FXYD6: variants seen among roughly 807,000 people sequenced by gnomAD.
FXYD6 encodes the protein FXYD domain-containing ion transport regulator 6.
A neutral mutation model predicts 16.7 loss-of-function variants in FXYD6; 7 were observed. The ratio of observed to expected loss-of-function variants is 0.42; its 90% CI spans 0.24 to 0.79. The LOEUF is 0.79. Among genes scored for constraint, FXYD6 ranks in the 30% least tolerant of loss-of-function variants. The pLI is 0.28. For missense variants in FXYD6, 111 were observed against 116.2 expected (o/e 0.95, Z 0.21); for synonymous variants, 49 against 43.0 (o/e 1.14, Z -0.54).
intron 1 of FXYD6, among the ~76,000 whole-genome samples, chr11:117,843,437 TG>T (rs1360660185): frequency 6.6e-6 from 1 of 152,188 alleles, no homozygotes; most frequent in Non-Finnish European, 1.5e-5. Context: ...GACGTGACTT[TG>T]AAGATCTCAA....
chr11:117,872,464 G>A lies in FXYD6; in HGVS notation c.-6+4128C>T, dbSNP rs1341633438. On this transcript the variant is annotated intron_variant, in intron 1 of 7. Coordinates refer to ENST00000526014, the MANE Select transcript of FXYD6 (RefSeq NM_022003.4). The surrounding 1 kb of genome is among the most constrained non-coding windows in gnomAD (Gnocchi z 4.9). The stretch of plus-strand genomic sequence containing the variant: ...AAAGGAGAAACCTCAGAAGCCCACA[G>A]GGCCTGCCTGACATATGAGGGGAAC... Among the ~76,000 whole-genome samples, 1 of 152,180 alleles carries A rather than the reference G, an allele frequency of 6.6e-6. No homozygotes were observed. The highest frequency in any genetic ancestry group is 6.5e-5 in the Admixed American group (1 of 15,286).
intron 4 of FXYD6, 84 bp downstream of exon 4, chr11:117,841,707 A>T: frequency 6.6e-7 from 1 of 1,526,382 alleles, no homozygotes. Context: ...CAGGAGAGGG[A>T]CCAACCAGGC....
intron 1 of FXYD6, among the ~76,000 whole-genome samples, chr11:117,873,910 G>C (rs894660005): frequency 1.3e-5 from 2 of 152,144 alleles, no homozygotes; most frequent in African/African-American, 4.8e-5. Context: ...CCCTCACTTT[G>C]GAAGGGCGTC....
At chr11:117,856,046 G>A (rs1180176889) in intron 1 of FXYD6, among the ~76,000 whole-genome samples, 1 of 152,112 alleles carries the variant, frequency 6.6e-6, no homozygotes, top group African/African-American at 2.4e-5. Context: ...AAGCAGCTGA[G>A]GTTCTGGGTG....
chr11:117,857,567 C>T (rs1233408111), intron 1 of FXYD6, among the ~76,000 whole-genome samples: 1 of 152,030 alleles, frequency 6.6e-6, no homozygotes, highest in African/African-American at 2.4e-5. Flanking sequence ...CGCCACCATG[C>T]CCAGCTAATT....
In FXYD6 at chr11:117,839,788, C is replaced by T. The variant is rs775330439; in HGVS notation, c.*14G>A. On this transcript the variant is annotated 3_prime_UTR_variant, in exon 7 of 8. Transcript: ENST00000526014. ...AGGCACTGAGCATCTCACCTTCCAC[C>T]TGATGGCTGCACTTCAGTTCTCTGC... 3 of 1,614,252 alleles carry T rather than the reference C, an allele frequency of 1.9e-6. No homozygotes were observed. The South Asian group carries it at 3.3e-5, about 18-fold the overall frequency.
At chr11:117,847,062 T>C (rs2134149123) in intron 1 of FXYD6, among the ~76,000 whole-genome samples, 1 of 152,362 alleles carries the variant, frequency 6.6e-6, no homozygotes, top group African/African-American at 2.4e-5. Flanking sequence ...CCATAAATGC[T>C]TTCATACAGG....
At chr11:117,867,814 C>A (rs2057042644) in intron 1 of FXYD6, among the ~76,000 whole-genome samples, 1 of 151,474 alleles carries the variant, frequency 6.6e-6, no homozygotes, top group African/African-American at 2.4e-5. Context: ...CTGGTTGTAC[C>A]TTAGGATCAC....
chr11:117,858,641 T>TTCCTTCTTTCTTTCTTTCTTTCTTTC (rs2056799348), intron 1 of FXYD6, among the ~76,000 whole-genome samples: 1 of 30,080 alleles, frequency 3.3e-5, no homozygotes, highest in African/African-American at 1.3e-4. Context: ...TTTTCTTTCT[T>TTCCTTCTTTCTTTCTTTCTTTCTTTC]TCTTTCTTTC....
chr11:117,845,069 C>T (rs755619890), intron 1 of FXYD6, among the ~76,000 whole-genome samples: 5 of 152,204 alleles, frequency 3.3e-5, no homozygotes, highest in African/African-American at 9.7e-5. Flanking sequence ...CATTTACAAA[C>T]TTATGCATTC....
chr11:117,869,948 C>G (rs2057099293), intron 1 of FXYD6, among the ~76,000 whole-genome samples: 1 of 152,268 alleles, frequency 6.6e-6, no homozygotes, highest in Admixed American at 6.5e-5. Flanking sequence ...TTGGCCCTCT[C>G]TGCCCACATC....
At position 117,857,621 on chromosome 11, in the gene FXYD6, A is replaced by C. The variant is rs149183431; in HGVS notation, c.-5-14840T>G. Reference sequence around the variant, plus strand: ...ACGGAGTTTCACCATGTTGGCCAAGATGGTCTCGATCTCTTGACCTCGTGA... The same window carrying C: ...ACGGAGTTTCACCATGTTGGCCAAGCTGGTCTCGATCTCTTGACCTCGTGA... On this transcript the variant is annotated intron_variant, in intron 1 of 7. Coordinates refer to ENST00000526014, the MANE Select transcript of FXYD6 (RefSeq NM_022003.4). Among the ~76,000 whole-genome samples the C allele has an allele frequency of 6.0e-3, 919 of 152,036 alleles. 6 individuals are homozygous for C. Among genetic ancestry groups the C allele is most frequent in the African/African-American group, 0.019 (796 of 41,472 alleles).
chr11:117,876,395 G>A (rs7119090), intron 1 of FXYD6, among the ~76,000 whole-genome samples, 197 bp downstream of exon 1: 1 of 151,834 alleles, frequency 6.6e-6, no homozygotes, highest in African/African-American at 2.4e-5. Context: ...TTCCGACGCC[G>A]ATCTCCTTGT....
At chr11:117,840,615 C>A (rs1378948709) in intron 5 of FXYD6, among the ~76,000 whole-genome samples, 1 of 152,168 alleles carries the variant, frequency 6.6e-6, no homozygotes, top group African/African-American at 2.4e-5. Flanking sequence ...AGGCTAGGGC[C>A]ACATGGGGGC....
At chr11:117,873,037 C>A (rs537633952) in intron 1 of FXYD6, among the ~76,000 whole-genome samples, 6 of 152,178 alleles carry the variant, frequency 3.9e-5, no homozygotes, top group Admixed American at 2.6e-4. Context: ...AGAACCCCCC[C>A]CAACCGCCGC....
chr11:117,840,001 C>T, intron 6 of FXYD6, 171 bp from the exon 7 acceptor site: 1 of 820,472 alleles, frequency 1.2e-6, no homozygotes, highest in Non-Finnish European at 2.0e-6. Flanking sequence ...TTGCTGCTTA[C>T]AGGAACCTGG....
At chr11:117,841,120 C>A (rs757297844) in intron 5 of FXYD6, 28 bp downstream of exon 5, 3 of 1,614,030 alleles carry the variant, frequency 1.9e-6, no homozygotes, top group Admixed American at 3.3e-5. Context: ...GTATCACCCC[C>A]CCAAGGCCAC....
At chr11:117,840,423 G>A in intron 5 of FXYD6, 55 bp from the exon 6 acceptor site, 1 of 1,612,680 alleles carries the variant, frequency 6.2e-7, no homozygotes, top group Non-Finnish European at 8.5e-7. Flanking sequence ...CAGACCCAGA[G>A]AGCATCGTTC....
chr11:117,861,610 G>C (rs2056908822), intron 1 of FXYD6, among the ~76,000 whole-genome samples: 2 of 152,256 alleles, frequency 1.3e-5, no homozygotes, highest in African/African-American at 4.8e-5. Context: ...TCACCTGTTA[G>C]TATCATTACT....
Sources: gnomAD v4.1 joint callset for allele counts (sites outside exome capture counted in the v4.1 genomes callset) on GRCh38, gnomAD v4.1.1 for gene constraint, Gnocchi (gnomAD v3.1) non-coding constraint, MANE v1.5 for transcripts, NCBI Gene and HGNC (gene_info 2026-07-23, HGNC 2026-07-21) for gene names.